The following FAM149B1 variants were observed in gnomAD, a reference collection of about 807,000 sequenced individuals.
FAM149B1 encodes family with sequence similarity 149 member B1.
In FAM149B1, 56 loss-of-function variants were observed where a neutral mutation model predicts 75.3. The observed-to-expected ratio is 0.74, with a 90% CI of 0.60 to 0.93. The LOEUF (loss-of-function observed/expected upper bound fraction) is 0.93. FAM149B1 is among the 40% of genes least tolerant of loss of function. The probability of loss-of-function intolerance (pLI) is 0.00; values close to 1 mark genes in which losing one functional copy is unlikely to be tolerated. For missense variants in FAM149B1, 639 were observed against 708.4 expected (o/e 0.90, Z 1.11); for synonymous variants, 259 against 256.1 (o/e 1.01, Z -0.11).
intron 7 of FAM149B1, among the ~76,000 whole-genome samples, chr10:73,214,467 T>C (rs531990584): frequency 5.3e-4 from 81 of 152,312 alleles, no homozygotes; most frequent in South Asian, 4.8e-3. Flanking sequence ...TATGTTGAGG[T>C]ATGTTTCTTC....
At position 73,228,164 on chromosome 10, in the gene FAM149B1, C is replaced by T. The variant is rs2043599837; in HGVS notation, c.1003C>T (p.Leu335=). The change falls in exon 8 of 14, where the codon CTG becomes TTG. Residue 335 remains leucine, a synonymous_variant. Coordinates refer to ENST00000242505, the MANE Select transcript of FAM149B1 (RefSeq NM_173348.2). ...ACCGCGAGTGCCACAGTCTAAGGTG[C>T]TGTACATTACCTCAAATCCGGTAAG... is the stretch of plus-strand genomic sequence containing the variant. The part of the protein sequence containing the change: ...VLPRVPQSKV[L]YITSNPMSLC... 1 of 1,551,428 alleles carries T rather than the reference C, an allele frequency of 6.4e-7. No individual in the cohort carries two copies. Among genetic ancestry groups the T allele is most frequent in the African/African-American group, 1.4e-5 (1 of 73,002 alleles).
chr10:73,241,196 G>A lies in FAM149B1; in HGVS notation c.*177G>A. ...ACCATAGCAGCCAAAAATGACATGA[G>A]TGTTGTTTCTATCTCCAGTTACTGT... On this transcript the variant is annotated 3_prime_UTR_variant, in exon 14 of 14. Transcript: ENST00000242505. 1 of 576,104 alleles carries A rather than the reference G, an allele frequency of 1.7e-6. No individual in the cohort carries two copies. The highest frequency in any genetic ancestry group is 3.1e-6 in the Non-Finnish European group (1 of 320,608). The allele number at this position is 576,104 out of a possible 1,614,324, so 35.7% of individuals were successfully genotyped here.
chr10:73,190,355 A>C (rs903999394), intron 3 of FAM149B1, among the ~76,000 whole-genome samples: 2 of 151,956 alleles, frequency 1.3e-5, no homozygotes, highest in African/African-American at 4.8e-5. Flanking sequence ...CACAATGGCT[A>C]GCCACAAGTG....
At chr10:73,177,429 C>T (rs1844016035) in intron 2 of FAM149B1, among the ~76,000 whole-genome samples, 1 of 151,918 alleles carries the variant, frequency 6.6e-6, no homozygotes, top group African/African-American at 2.4e-5. Context: ...CAAAAATGAG[C>T]TGGGTGTGGT....
chr10:73,198,858 C>T (rs189224965), intron 5 of FAM149B1, among the ~76,000 whole-genome samples: 10 of 152,062 alleles, frequency 6.6e-5, no homozygotes, highest in East Asian at 5.8e-4. Context: ...CTTGAATAGA[C>T]GATTCTACAC....
rs1372712359 is a variant in FAM149B1 at position 73,233,036 on chromosome 10, C to T, written c.1225C>T (p.Leu409=). Residue 409 remains leucine, a synonymous_variant, in exon 10 of 14, where the codon CTG becomes TTG. Transcript: ENST00000242505. ...NRAVEFSTSS[L]SYTVQSTRRR... is the part of the protein sequence containing the mutation. Reference sequence around the variant, plus strand: ...AGCTGTGGAGTTTAGTACATCATCTCTGTCATACACAGTGCAGTCCACCAG... The same window carrying T: ...AGCTGTGGAGTTTAGTACATCATCTTTGTCATACACAGTGCAGTCCACCAG... The T allele has an allele frequency of 6.4e-7, 1 of 1,551,738 alleles. No individual in the cohort carries two copies. Among genetic ancestry groups the T allele is most frequent in the Admixed American group, 2.0e-5 (1 of 51,010 alleles).
At position 73,168,308 on chromosome 10, in the gene FAM149B1, T is replaced by TGAG. The variant is rs762316170; in HGVS notation, c.-2_1dup. On this transcript the variant is annotated 5_prime_UTR_variant, in exon 1 of 14. Coordinates refer to ENST00000242505, the MANE Select transcript of FAM149B1 (RefSeq NM_173348.2). The stretch of plus-strand genomic sequence containing the variant: ...CTGGCGTGCCTGCCCCGGCCGCGGC[T>TGAG]GAGGAGGAGGAGGAGGAGGAGGAGG... 22,556 of 1,531,874 alleles carry TGAG rather than the reference T, an allele frequency of 0.015. 660 individuals carry two copies. The African/African-American group carries it at 0.16, about 11-fold the overall frequency. The allele number at this position is 1,531,874 out of a possible 1,614,324, so 94.9% of individuals were successfully genotyped here. A position where few individuals can be genotyped will look rare whatever the true frequency, so the allele number is the denominator to read the frequency against.
intron 7 of FAM149B1, among the ~76,000 whole-genome samples, chr10:73,218,600 T>C (rs978951730): frequency 1.3e-5 from 2 of 152,188 alleles, no homozygotes; most frequent in African/African-American, 4.8e-5. Flanking sequence ...AGCCCTTAAG[T>C]TTCATAAAGA....
At chr10:73,204,932 C>T (rs1589161982) in intron 5 of FAM149B1, among the ~76,000 whole-genome samples, 1 of 135,106 alleles carries the variant, frequency 7.4e-6, no homozygotes, top group East Asian at 2.2e-4. Context: ...CACCCGCCAC[C>T]ATGCCTGGCT....
intron 1 of FAM149B1, among the ~76,000 whole-genome samples, chr10:73,169,944 C>T (rs1248550651): frequency 8.9e-6 from 1 of 112,762 alleles, no homozygotes; most frequent in African/African-American, 5.0e-5. Flanking sequence ...TTTTAGCAAC[C>T]ATAAATTTAT....
chr10:73,218,392 CCTT>C (rs1325880496), intron 7 of FAM149B1, among the ~76,000 whole-genome samples: 2 of 152,166 alleles, frequency 1.3e-5, no homozygotes, highest in African/African-American at 4.8e-5. Context: ...GGTCTGACAA[CCTT>C]CTTCCATTTT....
intron 1 of FAM149B1, among the ~76,000 whole-genome samples, chr10:73,168,713 C>T (rs558206375): frequency 6.6e-6 from 1 of 152,358 alleles, no homozygotes; most frequent in East Asian, 1.9e-4. Flanking sequence ...AAAGTGCTCA[C>T]TTGACACTGT....
chr10:73,228,846 TC>T (rs2133397071), intron 8 of FAM149B1, among the ~76,000 whole-genome samples: 1 of 152,218 alleles, frequency 6.6e-6, no homozygotes, highest in Non-Finnish European at 1.5e-5. Context: ...TCCACCTGCC[TC>T]AGGCTCCCAA....
intron 7 of FAM149B1, among the ~76,000 whole-genome samples, chr10:73,220,592 A>G (rs115815059): frequency 1.3e-5 from 2 of 152,118 alleles, no homozygotes; most frequent in East Asian, 3.8e-4. Flanking sequence ...CCTAAAATTC[A>G]TATGTTGAAA....
rs1250371910 is a variant in FAM149B1 at position 73,241,020 on chromosome 10, G to C, written c.*1G>C. 4 of 1,518,538 alleles carry C rather than the reference G, an allele frequency of 2.6e-6. No homozygotes were observed. The highest frequency in any genetic ancestry group is 3.6e-6 in the Non-Finnish European group (4 of 1,120,338). The allele number at this position is 1,518,538 out of a possible 1,614,324, so 94.1% of individuals were successfully genotyped here. ...CTCTCGAACCAGGCAGGGACCATAA[G>C]GCAAATGAGAAGAATCTATCAGGCT... On this transcript the variant is annotated 3_prime_UTR_variant, in exon 14 of 14. Transcript: ENST00000242505.
At chr10:73,225,653 AGT>A (rs2043524481) in intron 7 of FAM149B1, among the ~76,000 whole-genome samples, 1 of 152,206 alleles carries the variant, frequency 6.6e-6, no homozygotes, top group African/African-American at 2.4e-5. Flanking sequence ...CTAAATGTAC[AGT>A]GTTTATAGAC....
chr10:73,209,578 C>G (rs1267255564), intron 6 of FAM149B1, among the ~76,000 whole-genome samples: 1 of 152,154 alleles, frequency 6.6e-6, no homozygotes, highest in African/African-American at 2.4e-5. Flanking sequence ...AACAGTAGAC[C>G]TATCACATAG....
chr10:73,208,723 AAG>A lies in FAM149B1; in HGVS notation c.649_650del (p.Asp217LeufsTer10). On this transcript the variant is annotated frameshift_variant, in exon 6 of 14. Transcript: ENST00000242505. LOFTEE classifies it high-confidence loss of function. ...TTTTGTTCTATGGAAAGAGATGAGG[AAG>A]ACTCTATAATCGTCTCAGAAGGAAT... The A allele has an allele frequency of 1.3e-6, 2 of 1,548,424 alleles. No homozygotes were observed. The highest frequency in any genetic ancestry group is 1.7e-6 in the Non-Finnish European group (2 of 1,144,986).
intron 8 of FAM149B1, among the ~76,000 whole-genome samples, chr10:73,229,788 G>C (rs1052005099): frequency 1.3e-5 from 2 of 152,188 alleles, no homozygotes; most frequent in African/African-American, 4.8e-5. Flanking sequence ...AAGAGAAAGA[G>C]GAAGGAAAAT....
Sources: allele counts gnomAD v4.1 joint callset (sites outside exome capture counted in the v4.1 genomes callset), GRCh38; gene constraint gnomAD v4.1.1; transcripts MANE v1.5; gene names NCBI Gene and HGNC (gene_info 2026-07-23, HGNC 2026-07-21).